MCC: variants seen among roughly 807,000 people sequenced by gnomAD.
MCC encodes colorectal mutant cancer protein.
MCC carries 90 observed loss-of-function variants against 116.2 expected under a neutral mutation model. That is an observed-to-expected ratio of 0.77 (90% CI 0.65 to 0.92). The LOEUF is 0.92. MCC is among the 40% of genes least tolerant of loss of function. The pLI, the probability that MCC is intolerant of heterozygous loss-of-function variation, is 0.00. For missense variants in MCC, 1,516 were observed against 1,312.2 expected (o/e 1.16, Z -2.40); for synonymous variants, 578 against 510.5 (o/e 1.13, Z -1.78).
At chr5:113,485,894 A>G (rs999453338) in intron 1 of MCC, among the ~76,000 whole-genome samples, 1 of 152,248 alleles carries the variant, frequency 6.6e-6, no homozygotes, top group Non-Finnish European at 1.5e-5. Context: ...TTAATGTTAA[A>G]AAGTCCAACT....
At chr5:113,479,485 ATCGGTTAGCTC>A (rs1470116673) in intron 1 of MCC, among the ~76,000 whole-genome samples, 1 of 152,158 alleles carries the variant, frequency 6.6e-6, no homozygotes, top group African/African-American at 2.4e-5. Flanking sequence ...AATACTGCAT[ATCGGTTAGCTC>A]TTCTCAAAAG....
chr5:113,046,685 C>CAAAAAAAAAA (rs151183145), intron 16 of MCC, among the ~76,000 whole-genome samples: 35 of 58,386 alleles, frequency 6.0e-4, no homozygotes, highest in African/African-American at 1.4e-3. Flanking sequence ...ACTCAAAAGG[C>CAAAAAAAAAA]AAAAAAAAAA....
At chr5:113,086,064 G>C (rs145323107) in intron 8 of MCC, among the ~76,000 whole-genome samples, 174 of 152,304 alleles carry the variant, frequency 1.1e-3, no homozygotes, top group African/African-American at 4.0e-3. Flanking sequence ...CTGCGGACGA[G>C]GACCCAGGAT....
At chr5:113,260,741 A>AT (rs34302607) in intron 3 of MCC, among the ~76,000 whole-genome samples, 16,419 of 150,474 alleles carry the variant, frequency 0.11, 1,388 homozygotes, top group Admixed American at 0.26. Context: ...ATGCCTACAC[A>AT]TTTTTTTTTA....
At chr5:113,221,429 A>G (rs1200637935) in intron 3 of MCC, among the ~76,000 whole-genome samples, 1 of 152,364 alleles carries the variant, frequency 6.6e-6, no homozygotes. Flanking sequence ...AACGAAGATG[A>G]TAACAGCCCT....
intron 3 of MCC, among the ~76,000 whole-genome samples, chr5:113,266,466 A>G (rs754530549): frequency 3.3e-5 from 5 of 152,232 alleles, no homozygotes; most frequent in Admixed American, 6.5e-5. Flanking sequence ...GAAATTCCCA[A>G]TATCTCACAT....
chr5:113,433,771 G>T (rs772486035), intron 1 of MCC: 1 of 1,613,840 alleles, frequency 6.2e-7, no homozygotes, highest in South Asian at 1.1e-5. Context: ...TGTTGGGGGG[G>T]CCCTTCCTCT....
chr5:113,076,027 G>A (rs779295027), intron 11 of MCC, among the ~76,000 whole-genome samples: 7 of 152,136 alleles, frequency 4.6e-5, no homozygotes, highest in Admixed American at 1.3e-4. Context: ...CTCCGGACAC[G>A]TCTGAACATC....
intron 8 of MCC, 136 bp from the exon 9 acceptor site, chr5:113,085,446 A>G (rs1755147454): frequency 2.7e-6 from 2 of 738,748 alleles, no homozygotes; most frequent in Non-Finnish European, 4.4e-6. Context: ...TTGAGTCCAC[A>G]TAAAAGTCAT....
rs376940701 is a variant in MCC at position 113,384,917 on chromosome 5, C to T, written c.415+51G>A. 1.9e-5 allele frequency: 31 copies of T among 1,601,872 alleles called. No individual in the cohort carries two copies. In the African/African-American group the frequency reaches 3.5e-4, roughly 18 times the overall value. ...AGGCTACTCTCATTTAATGAGAGAT[C>T]ACAGGCAAGGCCAGTGGAGTGCCAT... On this transcript the variant is annotated intron_variant, in intron 2 of 18. Coordinates refer to ENST00000408903, the MANE Select transcript of MCC (RefSeq NM_001085377.2).
chr5:113,486,473 T>C (rs1259810235), intron 1 of MCC, among the ~76,000 whole-genome samples: 2 of 152,202 alleles, frequency 1.3e-5, no homozygotes, highest in Admixed American at 6.5e-5. Flanking sequence ...TAAAGCAATA[T>C]ATTAATAGGC....
At chr5:113,271,851 C>T (rs1765630357) in intron 3 of MCC, among the ~76,000 whole-genome samples, 1 of 152,160 alleles carries the variant, frequency 6.6e-6, no homozygotes, top group African/African-American at 2.4e-5. Context: ...TGACAGATGA[C>T]AGTCCCTCAA....
At chr5:113,054,577 G>C (rs7715778) in intron 14 of MCC, among the ~76,000 whole-genome samples, 6,093 of 152,288 alleles carry the variant, frequency 0.04, 424 homozygotes, top group African/African-American at 0.14. Context: ...GAAGGGGGCT[G>C]TTTTGCTGTG....
rs113470718 is a variant in MCC, at chr5:113,098,461, T to C, written c.1398+3278A>G. Among the ~76,000 whole-genome samples, 145 of 152,320 alleles carry C rather than the reference T, an allele frequency of 9.5e-4. 2 individuals are homozygous for C. The highest frequency in any genetic ancestry group is 3.3e-3 in the African/African-American group (136 of 41,558). On this transcript the variant is annotated intron_variant, in intron 8 of 18. Coordinates refer to ENST00000408903, the MANE Select transcript of MCC (RefSeq NM_001085377.2). ...GTTTGTGAAATGAATGAATGAAGAA[T>C]AAAGTAATTCCTTTACAGAGTAATT...
rs140375427 is a variant in MCC, at chr5:113,431,534, C to T, written c.171-46322G>A. ...CATCTTGAGGTACAAGGGGCTAGGA[C>T]ATCTACATATAAATGGGGTGGGTGA... On this transcript the variant is annotated intron_variant, in intron 1 of 18. Transcript: ENST00000408903. 9.9e-4 allele frequency among the ~76,000 whole-genome samples: 151 copies of T among 152,226 alleles called. No individual in the cohort carries two copies. In the East Asian group the frequency reaches 0.022, roughly 22 times the overall value.
intron 3 of MCC, among the ~76,000 whole-genome samples, chr5:113,192,746 C>T (rs1193507221): frequency 6.6e-6 from 1 of 152,212 alleles, no homozygotes; most frequent in East Asian, 1.9e-4. Flanking sequence ...CCTCCTTATA[C>T]CTCCTTCTCC....
At chr5:113,472,329 C>T (rs572279302) in intron 1 of MCC, among the ~76,000 whole-genome samples, 1 of 152,188 alleles carries the variant, frequency 6.6e-6, no homozygotes, top group South Asian at 2.1e-4. Context: ...ATGGTGCATA[C>T]TTCTTGCAAC....
intron 11 of MCC, among the ~76,000 whole-genome samples, chr5:113,074,200 G>T (rs1271355781): frequency 2.6e-5 from 4 of 152,232 alleles, no homozygotes; most frequent in African/African-American, 7.2e-5. Context: ...GAAGGATCAG[G>T]CAGCAACATC....
chr5:113,068,099 C>G lies in MCC; in HGVS notation c.2010G>C (p.Ala670=), dbSNP rs368556025. Residue 670 remains alanine, a synonymous_variant, in exon 13 of 19, where the codon GCG becomes GCC. Coordinates refer to ENST00000408903, the MANE Select transcript of MCC (RefSeq NM_001085377.2). ...QSLILGQFRA[A]GVGSSPGDQS... ...ACTTACCAGGGGAGGACCCCACGCC[C>G]GCCGCTCGGAACTGCCCCAGGATGA... The G allele has an allele frequency of 6.2e-7, 1 of 1,614,138 alleles. No individual in the cohort carries two copies. Among genetic ancestry groups the G allele is most frequent in the Non-Finnish European group, 8.5e-7 (1 of 1,180,006 alleles).
Sources: gnomAD v4.1 joint callset for allele counts (sites outside exome capture counted in the v4.1 genomes callset) on GRCh38, gnomAD v4.1.1 for gene constraint, MANE v1.5 for transcripts, NCBI Gene and HGNC (gene_info 2026-07-23, HGNC 2026-07-21) for gene names.